The following KANK1 variants were observed in gnomAD, a reference collection of about 807,000 sequenced individuals.
KANK1 encodes KN motif and ankyrin repeat domains 1.
Under a neutral mutation model 106.2 loss-of-function variants are expected in KANK1, and 109 were observed. That is an observed-to-expected ratio of 1.03 (90% CI 0.88 to 1.20). The LOEUF (loss-of-function observed/expected upper bound fraction) is 1.20, where lower values mean the gene tolerates loss of function less well. Among genes scored for constraint, KANK1 ranks in the 50% most tolerant of loss-of-function variants. The probability of loss-of-function intolerance (pLI) is 0.00; values close to 1 mark genes in which losing one functional copy is unlikely to be tolerated. For synonymous variants in KANK1, 873 were observed against 652.2 expected (o/e 1.34, Z -5.16); for missense variants, 2,399 against 1,710.7 (o/e 1.40, Z -7.10).
Position 496,028 on chromosome 9 carries a change from G to A in KANK1, c.-362+22755G>A, listed in dbSNP as rs1428399222. Among the ~76,000 whole-genome samples, 4 of 152,120 alleles carry A rather than the reference G, an allele frequency of 2.6e-5. No individual in the cohort carries two copies. The East Asian group carries it at 5.8e-4, about 22-fold the overall frequency. ...ACTGTCCCAGCTGGAAGGGGTCAGG[G>A]TGGACTTCTGGCTCTGGCCTCCAGC... On this transcript the variant is annotated intron_variant, in intron 3 of 15. Transcript: ENST00000382303.
chr9:628,409 G>C (rs1003859150), intron 1 of KANK1, among the ~76,000 whole-genome samples: 7 of 152,112 alleles, frequency 4.6e-5, no homozygotes, highest in Non-Finnish European at 7.4e-5. Context: ...CTCCCAGTAG[G>C]GGGGGTTCCT....
intron 2 of KANK1, among the ~76,000 whole-genome samples, chr9:696,995 C>T (rs556912689): frequency 6.6e-6 from 1 of 152,000 alleles, no homozygotes; most frequent in Non-Finnish European, 1.5e-5. Flanking sequence ...TAATTTTAAT[C>T]GTACATAAAA....
chr9:519,218 A>G (rs963322567), intron 1 of KANK1, among the ~76,000 whole-genome samples: 1 of 151,592 alleles, frequency 6.6e-6, no homozygotes, highest in Admixed American at 6.6e-5. Context: ...GCACCTTATA[A>G]TTGTGTCTTT....
At chr9:633,622 C>G (rs1052465240) in intron 1 of KANK1, among the ~76,000 whole-genome samples, 1 of 152,160 alleles carries the variant, frequency 6.6e-6, no homozygotes, top group African/African-American at 2.4e-5. Flanking sequence ...TTCATTCTGA[C>G]TCATCTTTCC....
chr9:737,710 C>T (rs1180528055), intron 7 of KANK1, among the ~76,000 whole-genome samples: 1 of 152,180 alleles, frequency 6.6e-6, no homozygotes, highest in East Asian at 1.9e-4. Context: ...GTTGGCTATA[C>T]ACGTACGGTC....
intron 1 of KANK1, among the ~76,000 whole-genome samples, chr9:555,218 T>A (rs1047510604): frequency 2.6e-5 from 4 of 152,116 alleles, no homozygotes; most frequent in African/African-American, 9.7e-5. Flanking sequence ...TTATACCACG[T>A]CAGTAATCCA....
chr9:714,507 C>T (rs1479435539), intron 3 of KANK1, among the ~76,000 whole-genome samples: 1 of 151,684 alleles, frequency 6.6e-6, no homozygotes, highest in East Asian at 1.9e-4. Flanking sequence ...CTACAGGTGC[C>T]CACCACTATG....
At chr9:670,250 G>C (rs1845572969) in intron 1 of KANK1, among the ~76,000 whole-genome samples, 1 of 152,018 alleles carries the variant, frequency 6.6e-6, no homozygotes, top group South Asian at 2.1e-4. Context: ...TATACATTTG[G>C]GGAGGTCATG....
chr9:587,613 GTGT>G (rs774423936), intron 1 of KANK1, among the ~76,000 whole-genome samples: 3 of 152,216 alleles, frequency 2.0e-5, no homozygotes, highest in Admixed American at 6.5e-5. Flanking sequence ...ATATGTGCAT[GTGT>G]TGTTGTGTTA....
At chr9:686,393 GCAGAAGTA>G (rs1359933691) in intron 2 of KANK1, among the ~76,000 whole-genome samples, 2 of 152,142 alleles carry the variant, frequency 1.3e-5, no homozygotes, top group East Asian at 3.9e-4. Flanking sequence ...GGCAGAGGAG[GCAGAAGTA>G]CCTGCTGAGC....
intron 1 of KANK1, among the ~76,000 whole-genome samples, chr9:610,431 A>G (rs916750579): frequency 2.0e-5 from 3 of 152,194 alleles, no homozygotes; most frequent in African/African-American, 7.2e-5. Flanking sequence ...GGTGTACTAT[A>G]TGGGTGAAAA....
At chr9:582,141 A>G (rs1822321076) in intron 1 of KANK1, among the ~76,000 whole-genome samples, 1 of 152,166 alleles carries the variant, frequency 6.6e-6, no homozygotes, top group Non-Finnish European at 1.5e-5. Flanking sequence ...GTGGTCACCT[A>G]GCAGCAGTCT....
upstream of KANK1, among the ~76,000 whole-genome samples, chr9:501,178 A>G (rs181080863): frequency 1.2e-4 from 19 of 152,282 alleles, no homozygotes; most frequent in South Asian, 2.1e-4. Flanking sequence ...TAGACCACCA[A>G]CTCTAAAAAG....
At chr9:720,591 A>G (rs1328143215) in intron 3 of KANK1, among the ~76,000 whole-genome samples, 1 of 152,200 alleles carries the variant, frequency 6.6e-6, no homozygotes, top group Non-Finnish European at 1.5e-5. Context: ...CCCAGGCTCA[A>G]GCAATTAACC....
intron 1 of KANK1, among the ~76,000 whole-genome samples, chr9:571,998 A>T (rs530470450): frequency 6.6e-6 from 1 of 152,166 alleles, no homozygotes; most frequent in African/African-American, 2.4e-5. Flanking sequence ...GTGGTTGGGC[A>T]TCTTTTTCTG....
Position 590,957 on chromosome 9 carries a change from C to T in KANK1, c.-83-85933C>T, listed in dbSNP as rs541321058. 1.4e-4 allele frequency among the ~76,000 whole-genome samples: 21 copies of T among 151,818 alleles called. 1 individual carries two copies. The highest frequency in any genetic ancestry group is 3.4e-3 in the Middle Eastern group (1 of 294). On this transcript the variant is annotated intron_variant, in intron 1 of 11. Transcript: ENST00000382297. ...GATTTACAGTTCCATCACCAGTATG[C>T]GAGAGGTCTCTTTTCCCACACCCTT... is the stretch of plus-strand genomic sequence containing the variant.
chr9:517,542 A>G (rs978191395), intron 1 of KANK1, among the ~76,000 whole-genome samples: 2 of 151,666 alleles, frequency 1.3e-5, no homozygotes, highest in Non-Finnish European at 2.9e-5. Context: ...ATGGGAAAAT[A>G]GGGAAGCCTT....
At chr9:525,607 G>T (rs538444799) in intron 1 of KANK1, among the ~76,000 whole-genome samples, 1 of 151,494 alleles carries the variant, frequency 6.6e-6, no homozygotes, top group Non-Finnish European at 1.5e-5. Flanking sequence ...TCTCGAACTC[G>T]TGGCCTCAAG....
chr9:665,265 C>G (rs1167635700), intron 1 of KANK1, among the ~76,000 whole-genome samples: 1 of 152,032 alleles, frequency 6.6e-6, no homozygotes, highest in Non-Finnish European at 1.5e-5. Flanking sequence ...GGAGCATTTC[C>G]CCAATGTTTT....
Sources: gnomAD v4.1 joint callset for allele counts (sites outside exome capture counted in the v4.1 genomes callset) on GRCh38, gnomAD v4.1.1 for gene constraint, MANE v1.5 for transcripts, NCBI Gene and HGNC (gene_info 2026-07-23, HGNC 2026-07-21) for gene names.